TBC1D14: variants seen among roughly 807,000 people sequenced by gnomAD.
The protein encoded by TBC1D14 is TBC1 domain family, member 14.
TBC1D14 carries 26 observed loss-of-function variants against 79.0 expected under a neutral mutation model. The ratio of observed to expected loss-of-function variants is 0.33; its 90% CI spans 0.24 to 0.46. The LOEUF is 0.46. TBC1D14 is among the 20% of genes least tolerant of loss of function. The pLI is 1.00. For missense variants in TBC1D14, 769 were observed against 887.6 expected, an observed-to-expected ratio of 0.87 and a Z score of 1.70; for synonymous variants, 394 against 349.9, an observed-to-expected ratio of 1.13 and a Z score of -1.40.
At chr4:6,928,703 C>G (rs1433378720) in intron 2 of TBC1D14, among the ~76,000 whole-genome samples, 1 of 152,152 alleles carries the variant, frequency 6.6e-6, no homozygotes, top group Non-Finnish European at 1.5e-5. Context: ...TTTCTGTATC[C>G]TGCACTGAAA....
At chr4:7,018,513 TGTCC>T (rs1721499362) in intron 12 of TBC1D14, among the ~76,000 whole-genome samples, 1 of 152,240 alleles carries the variant, frequency 6.6e-6, no homozygotes, top group Non-Finnish European at 1.5e-5. Flanking sequence ...GTCACCTCTG[TGTCC>T]CCAGTGCCTG....
intron 12 of TBC1D14, among the ~76,000 whole-genome samples, chr4:7,020,774 C>T (rs543696779): frequency 2.4e-4 from 37 of 152,200 alleles, no homozygotes; most frequent in African/African-American, 7.2e-4. Flanking sequence ...GATCTTGGCT[C>T]GCTGCAGCCT....
intron 2 of TBC1D14, among the ~76,000 whole-genome samples, chr4:6,952,694 G>T (rs1714152640): frequency 6.6e-6 from 1 of 152,158 alleles, no homozygotes; most frequent in Admixed American, 6.5e-5. Context: ...TCTTTTTTAA[G>T]GGATGATGGA....
intron 3 of TBC1D14, among the ~76,000 whole-genome samples, chr4:6,969,105 T>C (rs911782638): frequency 7.2e-5 from 11 of 152,236 alleles, no homozygotes; most frequent in Non-Finnish European, 1.5e-4. Context: ...TGTAATCATC[T>C]GGACCCAGGG....
chr4:6,979,603 A>G (rs1717175843), intron 3 of TBC1D14, among the ~76,000 whole-genome samples: 1 of 152,304 alleles, frequency 6.6e-6, no homozygotes, highest in Admixed American at 6.5e-5. Flanking sequence ...TGAGTGACAG[A>G]GTGAGACCCT....
intron 1 of TBC1D14, among the ~76,000 whole-genome samples, chr4:6,915,315 G>C (rs1392326483): frequency 6.6e-6 from 1 of 152,184 alleles, no homozygotes; most frequent in Non-Finnish European, 1.5e-5. Flanking sequence ...TGGGTGCTGG[G>C]GACAGATGCC....
intron 3 of TBC1D14, 48 bp from the exon 4 acceptor site, chr4:6,994,136 C>A: frequency 6.8e-7 from 1 of 1,478,464 alleles, no homozygotes; most frequent in Non-Finnish European, 9.5e-7. Context: ...CGAAGGACTT[C>A]ATCCTATCTG....
intron 2 of TBC1D14, among the ~76,000 whole-genome samples, chr4:6,940,275 C>T (rs1218498754): frequency 6.6e-6 from 1 of 152,220 alleles, no homozygotes; most frequent in Non-Finnish European, 1.5e-5. Context: ...TTCCACCATG[C>T]AGGAAGTTCT....
At chr4:6,921,237 T>C (rs1723830760) in intron 1 of TBC1D14, among the ~76,000 whole-genome samples, 1 of 152,012 alleles carries the variant, frequency 6.6e-6, no homozygotes, top group Non-Finnish European at 1.5e-5. Flanking sequence ...CAGGGTCTCT[T>C]TCTGTCATTC....
chr4:6,988,865 TTTTCTTTC>T (rs1187016735), intron 3 of TBC1D14, among the ~76,000 whole-genome samples: 1 of 143,228 alleles, frequency 7.0e-6, no homozygotes, highest in Non-Finnish European at 1.5e-5. Context: ...GTACTTTCTT[TTTTCTTTC>T]TTTCTTTCTT....
intron 2 of TBC1D14, among the ~76,000 whole-genome samples, chr4:6,924,871 T>G (rs1724161463): frequency 6.6e-6 from 1 of 152,152 alleles, no homozygotes; most frequent in Non-Finnish European, 1.5e-5. Context: ...TGTTGGGTCA[T>G]GACTTAGGGT....
intron 8 of TBC1D14, among the ~76,000 whole-genome samples, chr4:7,006,275 ATG>A (rs558201839): frequency 1.1e-4 from 16 of 151,092 alleles, no homozygotes; most frequent in Admixed American, 4.6e-4. Context: ...GCAGTGATAT[ATG>A]TGTGTGTGTG....
chr4:7,011,497 C>T (rs1403212492), intron 11 of TBC1D14, among the ~76,000 whole-genome samples: 1 of 152,126 alleles, frequency 6.6e-6, no homozygotes, highest in African/African-American at 2.4e-5. Flanking sequence ...CTTGTTCTTT[C>T]TGTAGCATAG....
intron 9 of TBC1D14, among the ~76,000 whole-genome samples, chr4:7,007,190 C>T (rs1206978046): frequency 6.6e-6 from 1 of 152,132 alleles, no homozygotes; most frequent in South Asian, 2.1e-4. Flanking sequence ...GTGGCCAAGC[C>T]GGGGTGACAG....
At chr4:6,941,286 C>T (rs772933337) in intron 2 of TBC1D14, among the ~76,000 whole-genome samples, 6 of 150,106 alleles carry the variant, frequency 4.0e-5, no homozygotes, top group African/African-American at 1.2e-4. Flanking sequence ...CCCAGGTTCT[C>T]GCGATTCTCC....
At chr4:6,932,935 C>A (rs117060958) in intron 2 of TBC1D14, among the ~76,000 whole-genome samples, 1 of 152,066 alleles carries the variant, frequency 6.6e-6, no homozygotes, top group Non-Finnish European at 1.5e-5. Context: ...AGCATGTTGG[C>A]GGCTGTGTCC....
intron 1 of TBC1D14, among the ~76,000 whole-genome samples, chr4:6,910,812 G>A (rs992922897): frequency 2.0e-5 from 3 of 152,182 alleles, no homozygotes; most frequent in Non-Finnish European, 2.9e-5. Flanking sequence ...TTTCTCTAGC[G>A]TGGAATTGGA....
chr4:6,911,976 G>A (rs183654145), intron 1 of TBC1D14, among the ~76,000 whole-genome samples: 1 of 152,144 alleles, frequency 6.6e-6, no homozygotes, highest in South Asian at 2.1e-4. Flanking sequence ...TTAGAGATGG[G>A]GTCATGGTAT....
Position 7,030,377 on chromosome 4 carries a change from G to T in TBC1D14, c.2067G>T (p.Pro689=). The T allele has an allele frequency of 1.2e-6, 2 of 1,613,998 alleles. No homozygotes were observed. Among genetic ancestry groups the T allele is most frequent in the Non-Finnish European group, 1.7e-6 (2 of 1,179,888 alleles). The change falls in exon 14 of 14, where the codon CCG becomes CCT. Residue 689 remains proline (P), a synonymous_variant. Coordinates refer to ENST00000409757, the MANE Select transcript of TBC1D14 (RefSeq NM_020773.3). ...KDSREMEKGS[P]SLRH is the part of the protein sequence containing the mutation. ...GCCGGGAAATGGAGAAGGGAAGTCC[G>T]TCCCTCCGACACTGAGGCTGCAGCG...
Sources: allele counts gnomAD v4.1 joint callset (sites outside exome capture counted in the v4.1 genomes callset), GRCh38; gene constraint gnomAD v4.1.1; transcripts MANE v1.5; gene names NCBI Gene and HGNC (gene_info 2026-07-23, HGNC 2026-07-21).